The following SPON2 variants were observed in gnomAD, a reference collection of about 807,000 sequenced individuals.
SPON2 encodes the protein spondin-2.
SPON2 carries 32 observed loss-of-function variants against 29.9 expected under a neutral mutation model. The observed-to-expected ratio is 1.07, with a 90% CI of 0.81 to 1.44. The LOEUF (loss-of-function observed/expected upper bound fraction) is 1.44, where lower values mean the gene tolerates loss of function less well. Ranked by LOEUF, SPON2 falls within the 40% of genes most tolerant of loss-of-function variation. The probability of loss-of-function intolerance (pLI) is 0.00; values close to 1 mark genes in which losing one functional copy is unlikely to be tolerated. For missense variants in SPON2, 541 were observed against 455.5 expected (o/e 1.19, Z -1.71); for synonymous variants, 248 against 209.1 (o/e 1.19, Z -1.61).
chr4:1,193,015 C>G (rs1727942628), intron 1 of SPON2, among the ~76,000 whole-genome samples: 1 of 152,166 alleles, frequency 6.6e-6, no homozygotes, highest in Non-Finnish European at 1.5e-5. Flanking sequence ...GAGTACCCAC[C>G]AGGCCCACAC....
upstream of SPON2, among the ~76,000 whole-genome samples, chr4:1,198,538 CTAAG>C (rs1221133815): frequency 7.2e-5 from 11 of 152,220 alleles, no homozygotes; most frequent in African/African-American, 1.9e-4. Flanking sequence ...GCAAAAAAAT[CTAAG>C]TAAGAGAACA....
In SPON2 at chr4:1,202,344, G is replaced by A. The variant is rs1349242132; in HGVS notation, c.-234+5536C>T. ...ACCTCCCATCAGTCCCCACCTCCCG[G>A]CACTCCACGGGGTCTAAGTTTCAGC... On this transcript the variant is annotated intron_variant, in intron 1 of 3. Coordinates refer to the SPON2 transcript ENST00000509233. This position sits in a 1 kb window ranked among gnomAD's most constrained non-coding sequence, Gnocchi z 5.4. Among the ~76,000 whole-genome samples the A allele has an allele frequency of 6.6e-6, 1 of 152,170 alleles. No homozygotes were observed. Among genetic ancestry groups the A allele is most frequent in the Non-Finnish European group, 1.5e-5 (1 of 68,016 alleles).
At chr4:1,189,638 C>CAAAAAAAAAAAAA (rs61543201) in intron 1 of SPON2, among the ~76,000 whole-genome samples, 1 of 60,246 alleles carries the variant, frequency 1.7e-5, no homozygotes. Context: ...GACCCTGTCT[C>CAAAAAAAAAAAAA]AAAAAAAAAA....
intron 1 of SPON2, among the ~76,000 whole-genome samples, chr4:1,187,643 T>G (rs1727830488): frequency 6.6e-6 from 1 of 152,190 alleles, no homozygotes; most frequent in South Asian, 2.1e-4. Context: ...TTATAACAAC[T>G]GATCTCAGAT....
At chr4:1,170,891 G>A in intron 4 of SPON2, 108 bp downstream of exon 4, 1 of 1,427,680 alleles carries the variant, frequency 7.0e-7, no homozygotes. Context: ...CCACACAAAA[G>A]CCGCAAGCGG....
chr4:1,195,003 GTT>G (rs1560210688), exon 1 of SPON2: 27 of 142,238 alleles, frequency 1.9e-4, no homozygotes, highest in Non-Finnish European at 2.3e-4. Context: ...ACAGCCGGCG[GTT>G]CCAACCCCGC....
At chr4:1,192,542 C>A (rs1333839945) in intron 1 of SPON2, among the ~76,000 whole-genome samples, 4 of 152,192 alleles carry the variant, frequency 2.6e-5, no homozygotes, top group Admixed American at 2.6e-4. Context: ...GAAGCCTCTT[C>A]CCAGCAGCAC....
At position 1,167,295 on chromosome 4, in the gene SPON2, A is replaced by C. The variant is rs1404378672; in HGVS notation, c.*177T>G. 4.8e-6 allele frequency: 3 copies of C among 619,120 alleles called. No individual in the cohort carries two copies. Among genetic ancestry groups the C allele is most frequent in the Non-Finnish European group, 8.0e-6 (3 of 373,028 alleles). The allele number at this position is 619,120 out of a possible 1,614,324, so 38.4% of individuals were successfully genotyped here. A position where few individuals can be genotyped will look rare whatever the true frequency, so the allele number is the denominator to read the frequency against. On this transcript the variant is annotated 3_prime_UTR_variant, in exon 6 of 6. Coordinates refer to ENST00000290902, the MANE Select transcript of SPON2 (RefSeq NM_012445.4). The stretch of plus-strand genomic sequence containing the variant: ...TTGGGAAAGGAGGAGGCTGTTTCCC[A>C]ATGCCCGTGCCGGCCACCAGAGGGC...
intron 1 of SPON2, among the ~76,000 whole-genome samples, chr4:1,186,054 C>A (rs186170680): frequency 5.4e-5 from 8 of 148,762 alleles, no homozygotes; most frequent in Non-Finnish European, 9.0e-5. Flanking sequence ...ACCATCCTGG[C>A]TAACACGGTG....
At chr4:1,186,079 CT>C (rs1727794188) in intron 1 of SPON2, among the ~76,000 whole-genome samples, 2 of 138,786 alleles carry the variant, frequency 1.4e-5, no homozygotes, top group Non-Finnish European at 3.3e-5. Context: ...CCCATCTCTA[CT>C]AAAAATACAA....
At chr4:1,200,060 G>C (rs537000112), upstream of SPON2, 1 of 152,250 alleles carries the variant, frequency 6.6e-6, no homozygotes, top group Admixed American at 6.5e-5. Context: ...AGGAAAGAAA[G>C]AACAGGCAGC....
upstream of SPON2, among the ~76,000 whole-genome samples, chr4:1,197,299 G>C (rs1313249623): frequency 6.6e-6 from 1 of 152,052 alleles, no homozygotes; most frequent in Admixed American, 6.6e-5. Context: ...AAAACCTCAA[G>C]GAACTAAAAA....
chr4:1,175,746 G>A (rs899225922), upstream of SPON2, among the ~76,000 whole-genome samples: 2 of 151,942 alleles, frequency 1.3e-5, no homozygotes, highest in African/African-American at 4.8e-5. Context: ...GTGGGCCCAG[G>A]CCTCGGGGGC....
intron 1 of SPON2, among the ~76,000 whole-genome samples, chr4:1,194,644 C>T (rs1424956097): frequency 6.6e-6 from 1 of 152,172 alleles, no homozygotes; most frequent in Non-Finnish European, 1.5e-5. Context: ...GGGACCTGCT[C>T]CCCAGCCTGG....
At chr4:1,208,781 G>A (rs1249305549), upstream of SPON2, 1 of 152,338 alleles carries the variant, frequency 6.6e-6, no homozygotes, top group African/African-American at 2.4e-5. Context: ...AGTAGCTCTG[G>A]TTTTACCCAT....
At chr4:1,190,687 A>G (rs1348969402) in intron 1 of SPON2, among the ~76,000 whole-genome samples, 1 of 152,256 alleles carries the variant, frequency 6.6e-6, no homozygotes, top group Non-Finnish European at 1.5e-5. Context: ...CTATTTGCAG[A>G]TGACATGATT....
chr4:1,172,414 C>G (rs1727489105), intron 1 of SPON2, 130 bp downstream of exon 1: 5 of 434,242 alleles, frequency 1.2e-5, no homozygotes, highest in South Asian at 9.0e-5. Context: ...GCCCCCGGGA[C>G]TAGACCCTTA....
At chr4:1,170,163 C>T (rs760758306) in intron 5 of SPON2, 52 of 505,142 alleles carry the variant, frequency 1.0e-4, no homozygotes, top group Non-Finnish European at 1.4e-4. Flanking sequence ...CTGGAGCCTC[C>T]TTTCATTCTT....
At position 1,202,648 on chromosome 4, in the gene SPON2, C is replaced by T. The variant is rs1415672725; in HGVS notation, c.-234+5232G>A. On this transcript the variant is annotated intron_variant, in intron 1 of 3. Coordinates refer to the SPON2 transcript ENST00000509233. This position sits in a 1 kb window ranked among gnomAD's most constrained non-coding sequence, Gnocchi z 5.4. Reference sequence around the variant, plus strand: ...CCAGGCTGTGCTTGCTCGCTGGTGGCCCTGCAGTCCTGGGGTCTCGGAGGC... The same window carrying T: ...CCAGGCTGTGCTTGCTCGCTGGTGGTCCTGCAGTCCTGGGGTCTCGGAGGC... 6.6e-6 allele frequency among the ~76,000 whole-genome samples: 1 copy of T among 152,078 alleles called. No homozygotes were observed. Among genetic ancestry groups the T allele is most frequent in the African/African-American group, 2.4e-5 (1 of 41,410 alleles).
Sources: allele counts gnomAD v4.1 joint callset (sites outside exome capture counted in the v4.1 genomes callset), GRCh38; gene constraint gnomAD v4.1.1; non-coding constraint Gnocchi (gnomAD v3.1); transcripts MANE v1.5; gene names NCBI Gene and HGNC (gene_info 2026-07-23, HGNC 2026-07-21).